Variants in DCUN1D1 observed in about 807,000 individuals in gnomAD.
DCUN1D1 encodes DCN1-like protein 1.
In DCUN1D1, 3 loss-of-function variants were observed where a neutral mutation model predicts 39.0. The observed-to-expected ratio is 0.08, with a 90% CI of 0.04 to 0.20. The LOEUF is 0.20. Among genes scored for constraint, DCUN1D1 ranks in the 10% least tolerant of loss-of-function variants. The pLI is 1.00. For synonymous variants in DCUN1D1, 82 were observed against 96.3 expected (o/e 0.85, Z 0.87); for missense variants, 158 against 302.4 (o/e 0.52, Z 3.54).
chr3:182,979,008 G>A (rs564227978), intron 1 of DCUN1D1, among the ~76,000 whole-genome samples: 81 of 152,242 alleles, frequency 5.3e-4, no homozygotes, highest in African/African-American at 1.9e-3. Context: ...GGGAATTAAC[G>A]TCATTACTTC....
chr3:182,950,332 G>A (rs1348874945), intron 4 of DCUN1D1, among the ~76,000 whole-genome samples: 4 of 151,950 alleles, frequency 2.6e-5, no homozygotes, highest in African/African-American at 9.7e-5. Context: ...ATTTTTAGTA[G>A]AGACGGAGTT....
chr3:182,963,685 G>C (rs1027841743), intron 3 of DCUN1D1, among the ~76,000 whole-genome samples, 196 bp downstream of exon 3: 3 of 152,080 alleles, frequency 2.0e-5, no homozygotes, highest in African/African-American at 7.2e-5. Context: ...TAGCCAAATA[G>C]AATAGGCTGT....
In DCUN1D1 at chr3:182,947,405, T is replaced by C. The variant is rs180903621; in HGVS notation, c.604-71A>G. 534 of 1,228,738 alleles carry C rather than the reference T, an allele frequency of 4.3e-4. 2 individuals are homozygous for C. The highest frequency in any genetic ancestry group is 6.7e-4 in the Admixed American group (27 of 40,588). The allele number at this position is 1,228,738 out of a possible 1,614,324, so 76.1% of individuals were successfully genotyped here. A position where few individuals can be genotyped will look rare whatever the true frequency, so the allele number is the denominator to read the frequency against. The stretch of plus-strand genomic sequence containing the variant: ...GCTGCACAAAAACAGTTTGGACAAT[T>C]TGAAATACAAGAATGCAAAACAATT... On this transcript the variant is annotated intron_variant, in intron 5 of 6. Transcript: ENST00000292782.
intron 1 of DCUN1D1, among the ~76,000 whole-genome samples, chr3:182,970,909 T>G (rs1389032404): frequency 6.6e-6 from 1 of 151,982 alleles, no homozygotes; most frequent in Non-Finnish European, 1.5e-5. Context: ...GCAGGAAAAA[T>G]CAATTCAGCC....
At chr3:182,949,286 C>G (rs925936370) in intron 4 of DCUN1D1, among the ~76,000 whole-genome samples, 8 of 152,124 alleles carry the variant, frequency 5.3e-5, no homozygotes, top group African/African-American at 1.9e-4. Flanking sequence ...TTTCTTGAAC[C>G]TGGGAGGTGG....
At chr3:182,957,428 G>A (rs568474704) in intron 4 of DCUN1D1, among the ~76,000 whole-genome samples, 1 of 152,222 alleles carries the variant, frequency 6.6e-6, no homozygotes, top group East Asian at 1.9e-4. Context: ...GGAGGTTGAG[G>A]CCAGCCTGGG....
intron 1 of DCUN1D1, among the ~76,000 whole-genome samples, chr3:182,975,755 A>G (rs1157326445): frequency 6.6e-6 from 1 of 151,332 alleles, no homozygotes; most frequent in Admixed American, 6.6e-5. Context: ...GGGGGAGATA[A>G]AAGTGTGGAA....
At position 182,955,189 on chromosome 3, in the gene DCUN1D1, C is replaced by T. The variant is rs200813342; in HGVS notation, c.520+6037G>A. On this transcript the variant is annotated intron_variant, in intron 4 of 6. Transcript: ENST00000292782. ...CCGAGTAGCTAGGATTACAGGCATG[C>T]GCCACCACACCCGGCTAATTTAAAC... 1.5e-4 allele frequency among the ~76,000 whole-genome samples: 23 copies of T among 152,028 alleles called. No homozygotes were observed. The East Asian group carries it at 3.5e-3, about 23-fold the overall frequency.
upstream of DCUN1D1, among the ~76,000 whole-genome samples, chr3:182,982,079 C>T (rs2108412579): frequency 6.6e-6 from 1 of 152,320 alleles, no homozygotes; most frequent in South Asian, 2.1e-4. Flanking sequence ...CCAATCTGTT[C>T]TACTCCATTG....
intron 1 of DCUN1D1, among the ~76,000 whole-genome samples, chr3:182,974,298 GATAA>G (rs1170365939): frequency 6.6e-6 from 1 of 152,030 alleles, no homozygotes; most frequent in African/African-American, 2.4e-5. Flanking sequence ...TTCTGATTAT[GATAA>G]ATAAAAAATA....
At chr3:182,984,408 TTAAC>T (rs1439660065), upstream of DCUN1D1, among the ~76,000 whole-genome samples, 7 of 152,230 alleles carry the variant, frequency 4.6e-5, no homozygotes, top group Non-Finnish European at 8.8e-5. Flanking sequence ...CAAAATAATA[TTAAC>T]TAATATTCTC....
At chr3:182,956,022 G>A (rs973885673) in intron 4 of DCUN1D1, 7 of 150,056 alleles carry the variant, frequency 4.7e-5, no homozygotes, top group Non-Finnish European at 8.7e-5. Flanking sequence ...TCTGACTCCC[G>A]GGTTTAAGCC....
intron 4 of DCUN1D1, among the ~76,000 whole-genome samples, chr3:182,951,360 AG>A (rs1217787874): frequency 3.9e-5 from 6 of 152,162 alleles, no homozygotes; most frequent in African/African-American, 7.2e-5. Context: ...TATAAATGCC[AG>A]TATGTCAAGC....
chr3:182,957,958 A>C (rs994826591), intron 4 of DCUN1D1, among the ~76,000 whole-genome samples: 5 of 151,186 alleles, frequency 3.3e-5, no homozygotes, highest in Admixed American at 1.3e-4. Flanking sequence ...AAAAAAAAAA[A>C]AAACAGAAAC....
rs570540870 is a variant in DCUN1D1, at chr3:182,979,414, G to T, written c.3+1073C>A. Among the ~76,000 whole-genome samples, 5 of 152,154 alleles carry T rather than the reference G, an allele frequency of 3.3e-5. No homozygotes were observed. The South Asian group carries it at 8.3e-4, about 25-fold the overall frequency. ...TCAAAGAGGCCTTTATGTTCCCCAC[G>T]AGCAAAGGACAACAATATCATTTTT... On this transcript the variant is annotated intron_variant, in intron 1 of 6. Transcript: ENST00000292782.
At chr3:182,981,976 A>G (rs1011320531), upstream of DCUN1D1, among the ~76,000 whole-genome samples, 4 of 152,220 alleles carry the variant, frequency 2.6e-5, no homozygotes, top group Non-Finnish European at 5.9e-5. Flanking sequence ...ACTGGACTAC[A>G]TCCACGGAGG....
At chr3:182,980,058 C>CG in intron 1 of DCUN1D1, 2 of 673,208 alleles carry the variant, frequency 3.0e-6, no homozygotes, top group Non-Finnish European at 3.7e-6. Context: ...GGCTTCGGGG[C>CG]GGGGGGAGGC....
At position 182,961,364 on chromosome 3, in the gene DCUN1D1, G is replaced by A. The variant is rs184671977; in HGVS notation, c.390-8C>T. The stretch of plus-strand genomic sequence containing the variant: ...TTTTCTATGCTGTCACATCTGCGTC[G>A]TAAAATTAAGTTTATAAAAGATTAA... On this transcript the variant is annotated splice_region_variant and splice_polypyrimidine_tract_variant and intron_variant, in intron 3 of 6. Coordinates refer to ENST00000292782, the MANE Select transcript of DCUN1D1 (RefSeq NM_020640.4). 148 of 1,574,316 alleles carry A rather than the reference G, an allele frequency of 9.4e-5. No homozygotes were observed. Among genetic ancestry groups the A allele is most frequent in the African/African-American group, 8.0e-4 (58 of 72,290 alleles).
At chr3:182,947,094 T>C (rs1411491580) in intron 6 of DCUN1D1, 144 bp downstream of exon 6, 1 of 579,676 alleles carries the variant, frequency 1.7e-6, no homozygotes, top group African/African-American at 1.9e-5. Flanking sequence ...AGAATGAGAC[T>C]CTATCTCAAA....
Sources: gnomAD v4.1 joint callset for allele counts (sites outside exome capture counted in the v4.1 genomes callset) on GRCh38, gnomAD v4.1.1 for gene constraint, MANE v1.5 for transcripts, NCBI Gene and HGNC (gene_info 2026-07-23, HGNC 2026-07-21) for gene names.